MRPL13: variants seen among roughly 807,000 people sequenced by gnomAD.
The protein encoded by MRPL13 is large ribosomal subunit protein uL13m.
A neutral mutation model predicts 29.0 loss-of-function variants in MRPL13; 33 were observed. The ratio of observed to expected loss-of-function variants is 1.14; its 90% CI spans 0.86 to 1.52. The LOEUF (loss-of-function observed/expected upper bound fraction) is 1.52. Ranked by LOEUF, MRPL13 falls within the 40% of genes most tolerant of loss-of-function variation. The probability of loss-of-function intolerance (pLI) is 0.00; values close to 1 mark genes in which losing one functional copy is unlikely to be tolerated. For missense variants in MRPL13, 227 were observed against 216.7 expected (o/e 1.05, Z -0.30); for synonymous variants, 77 against 68.4 (o/e 1.13, Z -0.62).
At chr8:120,423,048 C>T (rs1003353077) in intron 4 of MRPL13, among the ~76,000 whole-genome samples, 1 of 151,428 alleles carries the variant, frequency 6.6e-6, no homozygotes, top group Non-Finnish European at 1.5e-5. Context: ...AAGAGTGAAC[C>T]AAAACATGAT....
At chr8:120,432,173 GA>G in intron 2 of MRPL13, 50 bp from the exon 3 acceptor site, 1 of 1,407,462 alleles carries the variant, frequency 7.1e-7, no homozygotes, top group Non-Finnish European at 9.6e-7. Flanking sequence ...AAAACCTTAA[GA>G]AAAAGTGGCC....
chr8:120,443,313 G>C lies in MRPL13; in HGVS notation c.28-5C>G. ...TCTAGCAAAAGTGGCCCATTGCTTG[G>C]GGGGGAAAAAAAAAAAAAAGAAGAG... On this transcript the variant is annotated splice_polypyrimidine_tract_variant and splice_region_variant and intron_variant, in intron 1 of 6. Transcript: ENST00000306185. 5.4e-6 allele frequency: 8 copies of C among 1,469,838 alleles called. No individual in the cohort carries two copies. The highest frequency in any genetic ancestry group is 7.2e-6 in the Non-Finnish European group (8 of 1,111,322). The allele number at this position is 1,469,838 out of a possible 1,614,324, so 91.0% of individuals were successfully genotyped here.
At chr8:120,417,768 G>A (rs1373602037) in intron 5 of MRPL13, among the ~76,000 whole-genome samples, 5 of 151,998 alleles carry the variant, frequency 3.3e-5, no homozygotes, top group Non-Finnish European at 7.4e-5. Context: ...AGAAATAATA[G>A]TCTTTTGCAT....
rs139915078 is a variant in MRPL13, at chr8:120,401,325, C to T, written c.516-5200G>A. Among the ~76,000 whole-genome samples the T allele has an allele frequency of 4.1e-3, 622 of 152,240 alleles. 5 individuals are homozygous for T. The highest frequency in any genetic ancestry group is 0.014 in the African/African-American group (595 of 41,554). On this transcript the variant is annotated intron_variant, in intron 6 of 6. Transcript: ENST00000306185. ...CACCACAATCAAGTCAGGTTCATCC[C>T]CAGGATGCAAGGTTGGTTCAACATA...
At chr8:120,419,739 A>C (rs1812845908) in intron 5 of MRPL13, 113 bp downstream of exon 5, 1 of 626,638 alleles carries the variant, frequency 1.6e-6, no homozygotes, top group Admixed American at 3.7e-5. Context: ...AAAATATTTC[A>C]GAAGTTGACA....
At position 120,443,319 on chromosome 8, in the gene MRPL13, A is replaced by AG. The variant is rs1491158016; in HGVS notation, c.28-12_28-11insC. 4 of 289,484 alleles carry AG rather than the reference A, an allele frequency of 1.4e-5. No homozygotes were observed. In the African/African-American group the frequency reaches 1.9e-4, roughly 14 times the overall value. The allele number at this position is 289,484 out of a possible 1,614,324, so 17.9% of individuals were successfully genotyped here. A position where few individuals can be genotyped will look rare whatever the true frequency, so the allele number is the denominator to read the frequency against. On this transcript the variant is annotated splice_polypyrimidine_tract_variant and intron_variant, in intron 1 of 6. Transcript: ENST00000306185. ...AAAAGTGGCCCATTGCTTGGGGGGG[A>AG]AAAAAAAAAAAAAGAAGAGGAAAAA...
intron 3 of MRPL13, among the ~76,000 whole-genome samples, chr8:120,431,606 A>G (rs761014789): frequency 7.2e-5 from 11 of 152,194 alleles, no homozygotes; most frequent in Non-Finnish European, 1.6e-4. Context: ...CCAGCAGAAC[A>G]CACCCAGGTG....
chr8:120,405,438 T>C (rs1458528908), intron 6 of MRPL13, among the ~76,000 whole-genome samples: 1 of 152,222 alleles, frequency 6.6e-6, no homozygotes, highest in Non-Finnish European at 1.5e-5. Context: ...ATTTCACTTA[T>C]TCTGTGGAGG....
intron 4 of MRPL13, among the ~76,000 whole-genome samples, chr8:120,423,473 T>C (rs1467410104): frequency 6.6e-6 from 1 of 151,872 alleles, no homozygotes; most frequent in Non-Finnish European, 1.5e-5. Context: ...GAAAAGGTCT[T>C]AAAGGTATCC....
At chr8:120,421,158 C>A (rs1812869781) in intron 4 of MRPL13, among the ~76,000 whole-genome samples, 1 of 151,428 alleles carries the variant, frequency 6.6e-6, no homozygotes, top group Non-Finnish European at 1.5e-5. Context: ...AGGGTACGTG[C>A]CATTTGTGCC....
chr8:120,423,080 G>C (rs1019675332), intron 4 of MRPL13, among the ~76,000 whole-genome samples: 2 of 151,744 alleles, frequency 1.3e-5, no homozygotes, highest in African/African-American at 2.4e-5. Flanking sequence ...TATTGAAACT[G>C]ATCAACAAAT....
rs1372859299 is a variant in MRPL13, at chr8:120,440,625, C to T, written c.151+2560G>A. Among the ~76,000 whole-genome samples the T allele has an allele frequency of 1.4e-5, 2 of 145,354 alleles. 1 individual carries two copies. Among genetic ancestry groups the T allele is most frequent in the Non-Finnish European group, 3.0e-5 (2 of 66,596 alleles). On this transcript the variant is annotated intron_variant, in intron 2 of 6. Transcript: ENST00000306185. ...CTCTCTCTCAAAAAAAAAAAAAAGG[C>T]ATAAGGCAAAAATGTGCTCGGCAGG...
intron 3 of MRPL13, among the ~76,000 whole-genome samples, chr8:120,429,817 A>G (rs945194040): frequency 1.3e-5 from 2 of 152,210 alleles, no homozygotes; most frequent in African/African-American, 2.4e-5. Context: ...TAACCTACAC[A>G]CATCCTCTTG....
chr8:120,406,554 CATGTGTGTGT>C (rs1393803116), intron 6 of MRPL13, among the ~76,000 whole-genome samples: 4 of 62,648 alleles, frequency 6.4e-5, no homozygotes, highest in East Asian at 1.0e-3. Context: ...TATATGTGTG[CATGTGTGTGT>C]GTGTGTGTGT....
intron 2 of MRPL13, among the ~76,000 whole-genome samples, chr8:120,441,995 G>T (rs1222664811): frequency 6.6e-6 from 1 of 152,066 alleles, no homozygotes; most frequent in African/African-American, 2.4e-5. Context: ...GAAACCTTTT[G>T]TAATAAAAGT....
At chr8:120,413,850 T>C in intron 6 of MRPL13, 141 bp downstream of exon 6, 1 of 1,080,778 alleles carries the variant, frequency 9.3e-7, no homozygotes, top group Non-Finnish European at 1.2e-6. Flanking sequence ...AGAGTTTATT[T>C]GTAGGTAGTA....
At chr8:120,444,845 A>C in intron 1 of MRPL13, 1 of 396,536 alleles carries the variant, frequency 2.5e-6, no homozygotes. Flanking sequence ...CCCCCCAAGA[A>C]AGACATGAAA....
chr8:120,413,909 C>T, intron 6 of MRPL13, 82 bp downstream of exon 6: 1 of 1,385,822 alleles, frequency 7.2e-7, no homozygotes, highest in South Asian at 2.1e-5. Flanking sequence ...TCTTCCCGCC[C>T]TCAAGGATCT....
In MRPL13 at chr8:120,445,079, T is replaced by C. The variant is rs765510557; in HGVS notation, c.16A>G (p.Arg6Gly). The C allele has an allele frequency of 9.3e-6, 15 of 1,613,884 alleles. No homozygotes were observed. The highest frequency in any genetic ancestry group is 1.2e-5 in the Non-Finnish European group (14 of 1,179,912). MSSFS[R>G]APQQWATFAR... ...GAGTCCGAGCTCACCTGGGGCGCCC[T>C]AGAGAAACTCGACATATTCCTCTAC... The change falls in exon 1 of 7, where the codon AGG becomes GGG. Residue 6 changes from arginine (R) to glycine (G), a missense_variant. Arg to Gly is a moderately radical substitution (Grantham distance 125, BLOSUM62 -2). Transcript: ENST00000306185.
Sources: allele counts gnomAD v4.1 joint callset (sites outside exome capture counted in the v4.1 genomes callset), GRCh38; gene constraint gnomAD v4.1.1; transcripts MANE v1.5; gene names NCBI Gene and HGNC (gene_info 2026-07-23, HGNC 2026-07-21).